Variants in BCAP29 observed in about 807,000 individuals in gnomAD.
BCAP29 encodes the protein B-cell receptor-associated protein 29.
A neutral mutation model predicts 31.8 loss-of-function variants in BCAP29; 34 were observed. The observed-to-expected ratio is 1.07, with a 90% CI of 0.81 to 1.42. The LOEUF (loss-of-function observed/expected upper bound fraction) is 1.42, where lower values mean the gene tolerates loss of function less well. Ranked by LOEUF, BCAP29 falls within the 40% of genes most tolerant of loss-of-function variation. The pLI, the probability that BCAP29 is intolerant of heterozygous loss-of-function variation, is 0.00. For synonymous variants in BCAP29, 104 were observed against 91.3 expected (o/e 1.14, Z -0.79); for missense variants, 314 against 269.2 (o/e 1.17, Z -1.16).
chr7:107,613,752 A>G, intron 7 of BCAP29: 1 of 1,606,668 alleles, frequency 6.2e-7, no homozygotes, highest in Non-Finnish European at 8.5e-7. Flanking sequence ...GCTCTTTGGG[A>G]TGTTTGCCAT....
chr7:107,588,714 A>T (rs1808178532), intron 3 of BCAP29, among the ~76,000 whole-genome samples: 1 of 152,212 alleles, frequency 6.6e-6, no homozygotes. Context: ...AGACAGTCTT[A>T]ACTGACTTAA....
intron 4 of BCAP29, 114 bp from the exon 5 acceptor site, chr7:107,595,753 C>T (rs950578010): frequency 3.5e-6 from 4 of 1,148,112 alleles, no homozygotes; most frequent in African/African-American, 3.2e-5. Context: ...TCTGCCTAAA[C>T]ATTATCTGCC....
intron 7 of BCAP29, among the ~76,000 whole-genome samples, chr7:107,618,098 A>G (rs1202984351): frequency 1.3e-5 from 2 of 152,188 alleles, no homozygotes; most frequent in African/African-American, 4.8e-5. Flanking sequence ...CAAAAGCAAA[A>G]TAGATTAAGG....
At chr7:107,601,646 T>G (rs982356814) in intron 6 of BCAP29, among the ~76,000 whole-genome samples, 3 of 152,238 alleles carry the variant, frequency 2.0e-5, no homozygotes, top group African/African-American at 7.2e-5. Flanking sequence ...GAAATGTTAT[T>G]GTTTATATGA....
intron 6 of BCAP29, chr7:107,603,247 G>C (rs1811497390): frequency 6.6e-6 from 1 of 152,096 alleles, no homozygotes; most frequent in East Asian, 1.9e-4. Flanking sequence ...TGGGATTACA[G>C]GTGTGAGCTA....
chr7:107,611,997 A>G (rs1813210838), intron 6 of BCAP29, among the ~76,000 whole-genome samples: 1 of 152,180 alleles, frequency 6.6e-6, no homozygotes, highest in South Asian at 2.1e-4. Flanking sequence ...ATTTGACAAT[A>G]CTGTCTAGAA....
intron 6 of BCAP29, among the ~76,000 whole-genome samples, chr7:107,608,772 C>G (rs915439736): frequency 3.9e-5 from 6 of 152,206 alleles, no homozygotes; most frequent in Admixed American, 6.5e-5. Flanking sequence ...ATCAAGATTA[C>G]TATCAGGTGA....
At chr7:107,584,685 C>G (rs931030035) in intron 3 of BCAP29, among the ~76,000 whole-genome samples, 1 of 152,092 alleles carries the variant, frequency 6.6e-6, no homozygotes, top group South Asian at 2.1e-4. Flanking sequence ...AGCAACAGAG[C>G]AAGATCCTTC....
rs1814601710 is a variant in BCAP29 at position 107,618,547 on chromosome 7, T to TCTA, written c.*186_*187insACT. 4 of 1,602,242 alleles carry TCTA rather than the reference T, an allele frequency of 2.5e-6. No individual in the cohort carries two copies. The highest frequency in any genetic ancestry group is 3.4e-6 in the Non-Finnish European group (4 of 1,170,046). On this transcript the variant is annotated 3_prime_UTR_variant, in exon 8 of 8. Transcript: ENST00000005259. ...ATGATGTTTCAGATATATTGCAAAG[T>TCTA]CTGTATTCCAGCTCTTAAGAAAAAT...
intron 7 of BCAP29, chr7:107,615,114 C>T (rs1813876736): frequency 2.3e-6 from 1 of 428,534 alleles, no homozygotes; most frequent in African/African-American, 2.1e-5. Flanking sequence ...GGCCAGTGTC[C>T]ATTGTTGAAT....
intron 7 of BCAP29, among the ~76,000 whole-genome samples, chr7:107,617,748 T>A (rs993524197): frequency 1.3e-5 from 2 of 152,218 alleles, no homozygotes; most frequent in Non-Finnish European, 2.9e-5. Context: ...AACAAGAGCT[T>A]GACGAACTTC....
At chr7:107,603,287 T>A (rs1811502615) in intron 6 of BCAP29, 1 of 152,112 alleles carries the variant, frequency 6.6e-6, no homozygotes, top group African/African-American at 2.4e-5. Flanking sequence ...TTCTTATAAC[T>A]AGAAATATGT....
chr7:107,586,324 C>A (rs531307402), intron 3 of BCAP29, among the ~76,000 whole-genome samples: 2 of 152,168 alleles, frequency 1.3e-5, no homozygotes, highest in South Asian at 4.2e-4. Context: ...AAAAATTGGA[C>A]CAGCTAGTAC....
At chr7:107,613,132 C>T (rs937845157) in intron 6 of BCAP29, among the ~76,000 whole-genome samples, 200 bp from the exon 7 acceptor site, 5 of 152,058 alleles carry the variant, frequency 3.3e-5, no homozygotes, top group Admixed American at 6.5e-5. Flanking sequence ...TAGAGGGGCA[C>T]GATGCCTGCA....
chr7:107,580,658 G>A, intron 1 of BCAP29, 101 bp from the exon 2 acceptor site: 1 of 765,594 alleles, frequency 1.3e-6, no homozygotes, highest in South Asian at 1.7e-5. Context: ...GGGGGAAGGT[G>A]GAACACTGTC....
At chr7:107,591,454 C>T (rs543066291) in intron 3 of BCAP29, among the ~76,000 whole-genome samples, 26 of 152,140 alleles carry the variant, frequency 1.7e-4, no homozygotes, top group African/African-American at 5.1e-4. Context: ...GAATTTTGAC[C>T]GCAGGTTGCC....
intron 5 of BCAP29, 72 bp downstream of exon 5, chr7:107,596,074 C>A: frequency 7.8e-7 from 1 of 1,290,028 alleles, no homozygotes; most frequent in Non-Finnish European, 1.0e-6. Flanking sequence ...TTTTCAGCAT[C>A]AAAAAGAGCA....
intron 6 of BCAP29, among the ~76,000 whole-genome samples, chr7:107,610,576 C>T (rs900905471): frequency 3.9e-5 from 6 of 152,226 alleles, no homozygotes; most frequent in African/African-American, 1.4e-4. Flanking sequence ...CAATAATAGC[C>T]TCCCCTAATT....
At chr7:107,598,267 A>C (rs1810208577) in intron 5 of BCAP29, among the ~76,000 whole-genome samples, 1 of 152,190 alleles carries the variant, frequency 6.6e-6, no homozygotes, top group Admixed American at 6.5e-5. Context: ...TTTCAACTTG[A>C]AGTAGGCAAC....
Sources: allele counts gnomAD v4.1 joint callset (sites outside exome capture counted in the v4.1 genomes callset), GRCh38; gene constraint gnomAD v4.1.1; transcripts MANE v1.5; gene names NCBI Gene and HGNC (gene_info 2026-07-23, HGNC 2026-07-21).